Variants in TMEM232 observed in about 807,000 individuals in gnomAD.
TMEM232 encodes the protein transmembrane protein 232.
In TMEM232, 80 loss-of-function variants were observed where a neutral mutation model predicts 78.8. That is an observed-to-expected ratio of 1.01 (90% CI 0.85 to 1.22). The LOEUF is 1.22. Among genes scored for constraint, TMEM232 ranks in the 50% most tolerant of loss-of-function variants. The pLI is 0.00. For synonymous variants in TMEM232, 297 were observed against 254.3 expected, an observed-to-expected ratio of 1.17 and a Z score of -1.60; for missense variants, 881 against 742.2, an observed-to-expected ratio of 1.19 and a Z score of -2.17.
chr5:110,427,605 C>T (rs1017046190), intron 12 of TMEM232, among the ~76,000 whole-genome samples: 3 of 151,852 alleles, frequency 2.0e-5, no homozygotes, highest in African/African-American at 7.3e-5. Flanking sequence ...TTCATTCTCT[C>T]ATAGTTCTGG....
intron 10 of TMEM232, among the ~76,000 whole-genome samples, chr5:110,581,477 A>C (rs924110960): frequency 6.6e-6 from 1 of 152,054 alleles, no homozygotes; most frequent in African/African-American, 2.4e-5. Context: ...AGAAGATTGA[A>C]ACTGGGACCC....
intron 12 of TMEM232, among the ~76,000 whole-genome samples, chr5:110,431,354 G>A (rs529751066): frequency 2.8e-4 from 42 of 151,412 alleles, no homozygotes; most frequent in Middle Eastern, 3.4e-3. Flanking sequence ...ACACTCTGGC[G>A]TTATGTTTGA....
chr5:110,414,585 C>T (rs1756118439), downstream of TMEM232, among the ~76,000 whole-genome samples: 1 of 152,218 alleles, frequency 6.6e-6, no homozygotes, highest in South Asian at 2.1e-4. Flanking sequence ...GAGGCTCCCT[C>T]TGCTGGTTTT....
chr5:110,579,811 TTATA>T (rs1432145112), intron 10 of TMEM232, among the ~76,000 whole-genome samples: 2 of 151,572 alleles, frequency 1.3e-5, no homozygotes, highest in Non-Finnish European at 3.0e-5. Context: ...TAATAAATCC[TTATA>T]TATCAATAAT....
intron 12 of TMEM232, among the ~76,000 whole-genome samples, chr5:110,453,265 C>G (rs1760517681): frequency 6.6e-6 from 1 of 152,068 alleles, no homozygotes; most frequent in Admixed American, 6.5e-5. Flanking sequence ...TACAAGATAT[C>G]TGACTTTAAA....
At chr5:110,387,844 C>G (rs1755044006) in exon 5 of TMEM232, 1 of 152,118 alleles carries the variant, frequency 6.6e-6, no homozygotes, top group African/African-American at 2.4e-5. Context: ...TTCTCCTTGG[C>G]TCTATAGGTC....
rs1360875014 is a variant in TMEM232 at position 110,712,530 on chromosome 5, T to A, written c.-13+14097A>T. On this transcript the variant is annotated intron_variant, in intron 1 of 13. Transcript: ENST00000455884. The stretch of plus-strand genomic sequence containing the variant: ...TCATTGATCATCAGAGAAATGCAAA[T>A]CAAAACCTTTTACCCTATATACAGT... 3.3e-5 allele frequency among the ~76,000 whole-genome samples: 5 copies of A among 152,220 alleles called. No individual in the cohort carries two copies. The East Asian group carries it at 9.7e-4, about 29-fold the overall frequency.
At chr5:110,723,717 G>C (rs1317937709) in intron 1 of TMEM232, among the ~76,000 whole-genome samples, 1 of 152,122 alleles carries the variant, frequency 6.6e-6, no homozygotes, top group African/African-American at 2.4e-5. Context: ...CCCTAATTTT[G>C]TTTGGAGCAG....
intron 12 of TMEM232, among the ~76,000 whole-genome samples, chr5:110,468,734 C>T (rs1762354770): frequency 6.6e-6 from 1 of 152,082 alleles, no homozygotes; most frequent in East Asian, 1.9e-4. Flanking sequence ...AATCCCAGAT[C>T]CTTTCATAAT....
chr5:110,416,840 A>C (rs563507658), downstream of TMEM232, among the ~76,000 whole-genome samples: 2 of 152,170 alleles, frequency 1.3e-5, no homozygotes, highest in African/African-American at 2.4e-5. Flanking sequence ...GCATGAGTCA[A>C]GATATTTTAG....
chr5:110,413,596 C>G (rs890523818), intron 2 of TMEM232, among the ~76,000 whole-genome samples: 1 of 152,154 alleles, frequency 6.6e-6, no homozygotes, highest in Non-Finnish European at 1.5e-5. Context: ...CTAATTTCAT[C>G]TCCTCTCCAT....
intron 12 of TMEM232, among the ~76,000 whole-genome samples, chr5:110,487,299 A>C (rs895574084): frequency 6.6e-6 from 1 of 151,966 alleles, no homozygotes; most frequent in Non-Finnish European, 1.5e-5. Flanking sequence ...GATGCCCTTT[A>C]TTTCTTTCTC....
intron 12 of TMEM232, among the ~76,000 whole-genome samples, chr5:110,509,260 T>C (rs955946472): frequency 6.6e-6 from 1 of 151,464 alleles, no homozygotes; most frequent in Non-Finnish European, 1.5e-5. Flanking sequence ...CAACACTTTG[T>C]CTGTACAAAA....
At chr5:110,599,120 T>A (rs917690157) in intron 10 of TMEM232, among the ~76,000 whole-genome samples, 2 of 152,084 alleles carry the variant, frequency 1.3e-5, no homozygotes, top group Non-Finnish European at 2.9e-5. Context: ...AAGGAAATGC[T>A]AAAGGATTTT....
At chr5:110,569,362 C>T (rs2149686697) in intron 10 of TMEM232, among the ~76,000 whole-genome samples, 1 of 151,752 alleles carries the variant, frequency 6.6e-6, no homozygotes, top group African/African-American at 2.4e-5. Flanking sequence ...TTGTATATTG[C>T]TATGCAGTAA....
intron 10 of TMEM232, among the ~76,000 whole-genome samples, chr5:110,598,782 G>A (rs143622661): frequency 1.4e-5 from 2 of 146,068 alleles, no homozygotes; most frequent in East Asian, 2.1e-4. Context: ...AACACCGCAT[G>A]TTCTCACTCA....
intron 2 of TMEM232, among the ~76,000 whole-genome samples, chr5:110,646,472 A>G (rs184852079): frequency 1.3e-5 from 2 of 151,898 alleles, no homozygotes; most frequent in East Asian, 3.9e-4. Context: ...TACACAATGC[A>G]GAAAGGACAG....
chr5:110,387,526 C>CT (rs994902685), intron 5 of TMEM232, among the ~76,000 whole-genome samples: 7 of 152,174 alleles, frequency 4.6e-5, no homozygotes, highest in Non-Finnish European at 7.4e-5. Context: ...TAAACTACGA[C>CT]TTTTTTTTCT....
chr5:110,650,089 T>C (rs1303078596), intron 2 of TMEM232, among the ~76,000 whole-genome samples: 2 of 152,236 alleles, frequency 1.3e-5, no homozygotes, highest in East Asian at 3.9e-4. Context: ...ACTACTATCA[T>C]GAAAATTTTG....
Sources: gnomAD v4.1 joint callset for allele counts (sites outside exome capture counted in the v4.1 genomes callset) on GRCh38, gnomAD v4.1.1 for gene constraint, MANE v1.5 for transcripts, NCBI Gene and HGNC (gene_info 2026-07-23, HGNC 2026-07-21) for gene names.